Variants in SLC16A10 observed in about 807,000 individuals in gnomAD.
SLC16A10 encodes the protein monocarboxylate transporter 10.
SLC16A10 carries 27 observed loss-of-function variants against 40.0 expected under a neutral mutation model. The observed-to-expected ratio is 0.67, with a 90% CI of 0.50 to 0.93. The LOEUF is 0.93. Among genes scored for constraint, SLC16A10 ranks in the 40% least tolerant of loss-of-function variants. The pLI, the probability that SLC16A10 is intolerant of heterozygous loss-of-function variation, is 0.00. For synonymous variants in SLC16A10, 213 were observed against 249.8 expected (o/e 0.85, Z 1.39); for missense variants, 529 against 658.2 (o/e 0.80, Z 2.15).
Position 111,087,639 on chromosome 6 carries a change from C to T in SLC16A10, c.-114C>T, listed in dbSNP as rs966149577. 73 of 566,266 alleles carry T rather than the reference C, an allele frequency of 1.3e-4. No individual in the cohort carries two copies. The African/African-American group carries it at 1.3e-3, about 10-fold the overall frequency. 35.1% of individuals were successfully genotyped at this position (566,266 alleles called of 1,614,324 possible). A position where few individuals can be genotyped will look rare whatever the true frequency, so the allele number is the denominator to read the frequency against. On this transcript the variant is annotated 5_prime_UTR_variant, in exon 1 of 6. Coordinates refer to ENST00000368851, the MANE Select transcript of SLC16A10 (RefSeq NM_018593.5). ...GCCCGCCCGCCCGCCAGGGGCTCCGCCGCCCTCGCCTCGGCCTCGTTAGCC... is the reference window on the plus strand; with the variant it reads ...GCCCGCCCGCCCGCCAGGGGCTCCGTCGCCCTCGCCTCGGCCTCGTTAGCC...
Position 111,217,823 on chromosome 6 carries a change from C to CCT in SLC16A10, c.1087-990_1087-989insTC, listed in dbSNP as rs1770795041. On this transcript the variant is annotated intron_variant, in intron 4 of 5. Coordinates refer to ENST00000368851, the MANE Select transcript of SLC16A10 (RefSeq NM_018593.5). Reference sequence around the variant, plus strand: ...ATTGACTGTTTCCTCCTTTTTTGTACCCATCATACTTTGAATATATAACTA... The same window carrying CCT: ...ATTGACTGTTTCCTCCTTTTTTGTACCTCCATCATACTTTGAATATATAACTA... Among the ~76,000 whole-genome samples, 9 of 152,140 alleles carry CCT rather than the reference C, an allele frequency of 5.9e-5. No homozygotes were observed. The South Asian group carries it at 8.3e-4, about 14-fold the overall frequency.
chr6:111,211,147 G>A (rs1394486408), intron 4 of SLC16A10, among the ~76,000 whole-genome samples: 1 of 152,170 alleles, frequency 6.6e-6, no homozygotes, highest in Non-Finnish European at 1.5e-5. Flanking sequence ...GAGTGCAAGA[G>A]GGGAGGAAGA....
intron 1 of SLC16A10, among the ~76,000 whole-genome samples, chr6:111,143,443 G>A (rs1247115598): frequency 6.6e-6 from 1 of 152,086 alleles, no homozygotes; most frequent in Non-Finnish European, 1.5e-5. Context: ...GGAGTGTAGT[G>A]ATGCAGTCAT....
chr6:111,126,621 C>A (rs1368153159), intron 1 of SLC16A10, among the ~76,000 whole-genome samples: 4 of 152,044 alleles, frequency 2.6e-5, no homozygotes, highest in Non-Finnish European at 5.9e-5. Flanking sequence ...ATAATATAAT[C>A]CACATAGTAC....
chr6:111,182,314 T>C (rs893660300), intron 3 of SLC16A10, among the ~76,000 whole-genome samples: 2 of 140,798 alleles, frequency 1.4e-5, no homozygotes, highest in Non-Finnish European at 3.1e-5. Context: ...GGGTTTCTTT[T>C]TTTTTTTTTT....
chr6:111,115,401 G>T (rs1261485101), intron 1 of SLC16A10, among the ~76,000 whole-genome samples: 1 of 152,222 alleles, frequency 6.6e-6, no homozygotes, highest in Non-Finnish European at 1.5e-5. Flanking sequence ...TAGAGACAAG[G>T]TTTTGCCAAG....
intron 1 of SLC16A10, among the ~76,000 whole-genome samples, chr6:111,108,938 A>G (rs1202288745): frequency 3.3e-5 from 5 of 152,220 alleles, no homozygotes; most frequent in Non-Finnish European, 7.3e-5. Flanking sequence ...ACACAATACT[A>G]TATATGGGAT....
intron 1 of SLC16A10, among the ~76,000 whole-genome samples, chr6:111,104,777 G>C (rs868091363): frequency 6.6e-6 from 1 of 152,036 alleles, no homozygotes; most frequent in Admixed American, 6.5e-5. Context: ...ATCCTGTCTT[G>C]AGCGGACTCA....
chr6:111,104,447 A>G (rs1256099023), intron 1 of SLC16A10, among the ~76,000 whole-genome samples: 1 of 152,242 alleles, frequency 6.6e-6, no homozygotes, highest in African/African-American at 2.4e-5. Context: ...ATTGATGCCT[A>G]CATCTGGAGC....
At chr6:111,183,002 CGGAGTTTGTTCTCTATGAA>C (rs1772829731) in intron 3 of SLC16A10, among the ~76,000 whole-genome samples, 1 of 152,164 alleles carries the variant, frequency 6.6e-6, no homozygotes, top group Admixed American at 6.5e-5. Flanking sequence ...CTCTGCCCCG[CGGAGTTTGTTCTCTATGAA>C]GAAGCCACAG....
At chr6:111,128,567 C>G (rs1364578033) in intron 1 of SLC16A10, among the ~76,000 whole-genome samples, 1 of 151,384 alleles carries the variant, frequency 6.6e-6, no homozygotes, top group Non-Finnish European at 1.5e-5. Flanking sequence ...TTCCATAACA[C>G]CACACTCTAA....
At chr6:111,160,171 C>T (rs1347429242) in intron 1 of SLC16A10, among the ~76,000 whole-genome samples, 3 of 152,060 alleles carry the variant, frequency 2.0e-5, no homozygotes, top group African/African-American at 7.2e-5. Context: ...CTTGTATGGG[C>T]ATTTAGGTTT....
intron 3 of SLC16A10, among the ~76,000 whole-genome samples, chr6:111,183,713 C>T (rs1174768619): frequency 2.0e-5 from 3 of 152,250 alleles, no homozygotes; most frequent in East Asian, 1.9e-4. Context: ...TAATGCTGTC[C>T]GTTGATGGAG....
In SLC16A10 at chr6:111,226,596, G is replaced by A. The variant is rs751288029; in HGVS notation, c.*4361G>A. On this transcript the variant is annotated 3_prime_UTR_variant, in exon 6 of 6. Transcript: ENST00000368851. ...AAGATTGTTGCTTTTCCAGTGTGTT[G>A]TCTTAAAAATAGAAGGAAATAAAAC... 2 of 152,064 alleles carry A rather than the reference G, an allele frequency of 1.3e-5. No individual in the cohort carries two copies. The highest frequency in any genetic ancestry group is 2.9e-5 in the Non-Finnish European group (2 of 68,016). 9.4% of individuals were successfully genotyped at this position (152,064 alleles called of 1,614,324 possible).
At chr6:111,122,897 G>A (rs531655479) in intron 1 of SLC16A10, among the ~76,000 whole-genome samples, 21 of 152,224 alleles carry the variant, frequency 1.4e-4, no homozygotes, top group African/African-American at 5.1e-4. Context: ...CCCTGGAGAG[G>A]GGTACTGAGC....
At chr6:111,196,045 G>A (rs1445680381) in intron 3 of SLC16A10, among the ~76,000 whole-genome samples, 1 of 95,094 alleles carries the variant, frequency 1.1e-5, no homozygotes, top group Admixed American at 1.2e-4. Flanking sequence ...ATAGTGAGAT[G>A]CCATCTCTAC....
chr6:111,149,309 A>G lies in SLC16A10; in HGVS notation c.344-23386A>G, dbSNP rs144121423. Among the ~76,000 whole-genome samples the G allele has an allele frequency of 1.0e-3, 155 of 152,292 alleles. 1 individual carries two copies. Among genetic ancestry groups the G allele is most frequent in the African/African-American group, 3.6e-3 (150 of 41,554 alleles). On this transcript the variant is annotated intron_variant, in intron 1 of 5. Coordinates refer to ENST00000368851, the MANE Select transcript of SLC16A10 (RefSeq NM_018593.5). ...CTTTGATACCTGACCTACAGATCCAATCTATTCCCAGGAATTTTGATAAGA... is the reference window on the plus strand; with the variant it reads ...CTTTGATACCTGACCTACAGATCCAGTCTATTCCCAGGAATTTTGATAAGA...
chr6:111,216,569 ACTTTTTTTTTTT>A, intron 4 of SLC16A10, among the ~76,000 whole-genome samples: 1 of 38,506 alleles, frequency 2.6e-5, no homozygotes, highest in Non-Finnish European at 4.7e-5. Context: ...CGCCCGGCTA[ACTTTTTTTTTTT>A]TTTTTTTGTA....
rs575947870 is a variant in SLC16A10 at position 111,138,915 on chromosome 6, T to C, written c.344-33780T>C. Among the ~76,000 whole-genome samples, 7 of 152,234 alleles carry C rather than the reference T, an allele frequency of 4.6e-5. No homozygotes were observed. In the South Asian group the frequency reaches 1.5e-3, roughly 32 times the overall value. ...ATGCAGTAGAGTTACATAGCTCACCTCACATCCTCCAAAAGCTGAATTCAT... is the reference window on the plus strand; with the variant it reads ...ATGCAGTAGAGTTACATAGCTCACCCCACATCCTCCAAAAGCTGAATTCAT... On this transcript the variant is annotated intron_variant, in intron 1 of 5. Transcript: ENST00000368851.
Sources: allele counts gnomAD v4.1 joint callset (sites outside exome capture counted in the v4.1 genomes callset), GRCh38; gene constraint gnomAD v4.1.1; transcripts MANE v1.5; gene names NCBI Gene and HGNC (gene_info 2026-07-23, HGNC 2026-07-21).